LY75: variants seen among roughly 807,000 people sequenced by gnomAD.
LY75 encodes lymphocyte antigen 75.
In LY75, 185 loss-of-function variants were observed where a neutral mutation model predicts 231.7. The ratio of observed to expected loss-of-function variants is 0.80; its 90% CI spans 0.71 to 0.90. The LOEUF (loss-of-function observed/expected upper bound fraction) is 0.90, where lower values mean the gene tolerates loss of function less well. LY75 is among the 40% of genes least tolerant of loss of function. LY75 has a pLI of 0.00. For synonymous variants in LY75, 668 were observed against 689.0 expected (o/e 0.97, Z 0.48); for missense variants, 1,947 against 2,050.2 (o/e 0.95, Z 0.97).
At chr2:159,816,753 A>T in intron 30 of LY75, 53 bp downstream of exon 30, 1 of 1,599,150 alleles carries the variant, frequency 6.3e-7, no homozygotes, top group Non-Finnish European at 8.5e-7. Context: ...TCAAATTTCT[A>T]ACCCTCAAAA....
Position 159,819,848 on chromosome 2 carries a change from T to C in LY75, c.4031A>G (p.Lys1344Arg), listed in dbSNP as rs1400137763. ...THWRAGRPTIKNEKFLAGLST... is the reference protein window; with the variant it reads ...THWRAGRPTIRNEKFLAGLST... ...TAAACCAGCCAAAAACTTCTCATTT[T>C]TTATAGTTGGTCTTCCTGCTCTCCA... The change falls in exon 29 of 35, where the codon AAA becomes AGA. Residue 1344 changes from lysine to arginine, a missense_variant. Lys to Arg is a conservative substitution (Grantham distance 26, BLOSUM62 2). Transcript: ENST00000263636. 3 of 1,614,022 alleles carry C rather than the reference T, an allele frequency of 1.9e-6. No homozygotes were observed. Among genetic ancestry groups the C allele is most frequent in the Non-Finnish European group, 2.5e-6 (3 of 1,180,000 alleles).
Position 159,808,491 on chromosome 2 carries a change from T to C in LY75, c.4780A>G (p.Ile1594Val). 1.2e-6 allele frequency: 2 copies of C among 1,613,922 alleles called. No individual in the cohort carries two copies. The highest frequency in any genetic ancestry group is 8.5e-7 in the Non-Finnish European group (1 of 1,179,950). Residue 1594 changes from isoleucine (I) to valine (V), a missense_variant, in exon 33 of 35, where the codon ATT becomes GTT. By Grantham distance (29) the Ile-to-Val change is conservative. Coordinates refer to ENST00000263636, the MANE Select transcript of LY75 (RefSeq NM_002349.4). Reference sequence around the variant, plus strand: ...AATCCAAGCCAAACTCTCATGGTAATGTTATTATTTTCCCTCATCAGTCTG... The same window carrying C: ...AATCCAAGCCAAACTCTCATGGTAACGTTATTATTTTCCCTCATCAGTCTG... ...VSRLMRENNNITMRVWLGLSQ... is the reference protein window; with the variant it reads ...VSRLMRENNNVTMRVWLGLSQ...
intron 13 of LY75, among the ~76,000 whole-genome samples, chr2:159,867,809 A>G (rs1684900951): frequency 6.6e-6 from 1 of 152,196 alleles, no homozygotes; most frequent in Non-Finnish European, 1.5e-5. Flanking sequence ...TTTTTGCCCT[A>G]CAGTGGCTGT....
At chr2:159,868,270 A>T (rs1316233552) in intron 13 of LY75, among the ~76,000 whole-genome samples, 2 of 152,174 alleles carry the variant, frequency 1.3e-5, no homozygotes, top group Non-Finnish European at 2.9e-5. Context: ...AAGTGAAGGG[A>T]TTAAGGAGAT....
intron 15 of LY75, among the ~76,000 whole-genome samples, chr2:159,859,887 T>C (rs1017416796): frequency 1.2e-4 from 18 of 152,236 alleles, no homozygotes; most frequent in Non-Finnish European, 4.4e-5. Context: ...ATCATCATCA[T>C]CACCACCACC....
At chr2:159,842,805 C>T (rs1165263843) in intron 23 of LY75, among the ~76,000 whole-genome samples, 3 of 151,980 alleles carry the variant, frequency 2.0e-5, no homozygotes, top group African/African-American at 7.2e-5. Context: ...TATATTAAAA[C>T]AGAAGTATCT....
chr2:159,901,030 G>C (rs868423180), intron 1 of LY75, among the ~76,000 whole-genome samples: 1 of 151,970 alleles, frequency 6.6e-6, no homozygotes, highest in Non-Finnish European at 1.5e-5. Flanking sequence ...GTAGAGATGG[G>C]GTTTCACCAT....
At chr2:159,862,167 C>T (rs1014620846) in intron 14 of LY75, among the ~76,000 whole-genome samples, 1 of 151,972 alleles carries the variant, frequency 6.6e-6, no homozygotes, top group Non-Finnish European at 1.5e-5. Flanking sequence ...TGGCACATGC[C>T]TGAAGTCCCA....
rs761882139 is a variant in LY75, at chr2:159,840,724, C to T, written c.3507+5G>A. On this transcript the variant is annotated splice_donor_5th_base_variant and intron_variant, in intron 25 of 34. Transcript: ENST00000263636. ...CAGTCCTGGCAGTTGGGACTGAACA[C>T]TTACATCTTGACTGAAGAGTCCGAT... 2 of 1,613,980 alleles carry T rather than the reference C, an allele frequency of 1.2e-6. No homozygotes were observed. The highest frequency in any genetic ancestry group is 4.5e-5 in the East Asian group (2 of 44,878).
intron 3 of LY75, among the ~76,000 whole-genome samples, chr2:159,892,505 G>A (rs1231791032): frequency 6.6e-6 from 1 of 152,178 alleles, no homozygotes; most frequent in Non-Finnish European, 1.5e-5. Context: ...AGGACTGAAT[G>A]AGTTAATGTA....
intron 1 of LY75, chr2:159,902,751 G>A (rs181097770): frequency 3.3e-5 from 5 of 152,380 alleles, no homozygotes; most frequent in African/African-American, 7.2e-5. Flanking sequence ...CCATGGCAAT[G>A]TCCAGGGAGT....
Position 159,879,342 on chromosome 2 carries a change from C to T in LY75, c.1432G>A (p.Glu478Lys), listed in dbSNP as rs758347967. Residue 478 changes from glutamate to lysine, a missense_variant, in exon 9 of 35, where the codon GAG becomes AAG. Coordinates refer to ENST00000263636, the MANE Select transcript of LY75 (RefSeq NM_002349.4). ...TTGCATACATATTTTAGTTTCTCCT[C>T]ACATGATTGGACTTTCCACTGACCT... ...ELGQWKVQSC[E>K]EKLKYVCKRK... 6.2e-7 allele frequency: 1 copy of T among 1,613,610 alleles called. No individual in the cohort carries two copies. The highest frequency in any genetic ancestry group is 8.5e-7 in the Non-Finnish European group (1 of 1,179,856).
At position 159,885,182 on chromosome 2, in the gene LY75, T is replaced by G. The variant is rs922973161; in HGVS notation, c.1025A>C (p.Lys342Thr). The G allele has an allele frequency of 1.2e-6, 2 of 1,613,532 alleles. No homozygotes were observed. Among genetic ancestry groups the G allele is most frequent in the African/African-American group, 2.7e-5 (2 of 75,004 alleles). The change falls in exon 6 of 35, where the codon AAA becomes ACA. Residue 342 changes from lysine (K) to threonine (T), a missense_variant. Coordinates refer to ENST00000263636, the MANE Select transcript of LY75 (RefSeq NM_002349.4). ...TAACTCCACTGTATTATTTAATGGT[T>G]TCCTGCAGACATAGGGCAGTTGAGC... Reference protein sequence around the residue: ...CEAQLPYVCRKPLNNTVELTD... With the variant: ...CEAQLPYVCRTPLNNTVELTD...
chr2:159,860,977 A>G lies in LY75; in HGVS notation c.2200-88T>C, dbSNP rs965356242. 120 of 1,440,264 alleles carry G rather than the reference A, an allele frequency of 8.3e-5. 1 individual carries two copies. Among genetic ancestry groups the G allele is most frequent in the Non-Finnish European group, 1.1e-4 (117 of 1,033,470 alleles). The allele number at this position is 1,440,264 out of a possible 1,614,324, so 89.2% of individuals were successfully genotyped here. On this transcript the variant is annotated intron_variant, in intron 14 of 34. Coordinates refer to ENST00000263636, the MANE Select transcript of LY75 (RefSeq NM_002349.4). ...TAATTTAGGCAGCCTTAATCACTCA[A>G]GTGCGTTGATATGCCACAGAAAGAA...
chr2:159,814,709 GGAAAAGAAAA>G (rs1045128911), intron 31 of LY75, among the ~76,000 whole-genome samples: 2 of 149,650 alleles, frequency 1.3e-5, no homozygotes, highest in South Asian at 2.1e-4. Flanking sequence ...AGAAAAGAAA[GGAAAAGAAAA>G]GAAAAGAAAA....
chr2:159,845,613 A>G (rs1684177417), intron 23 of LY75, among the ~76,000 whole-genome samples: 1 of 152,050 alleles, frequency 6.6e-6, no homozygotes, highest in South Asian at 2.1e-4. Flanking sequence ...ATACAGTATA[A>G]CAACTATTTA....
intron 2 of LY75, among the ~76,000 whole-genome samples, chr2:159,894,490 T>G (rs1005033426): frequency 3.3e-4 from 50 of 152,256 alleles, no homozygotes; most frequent in African/African-American, 1.2e-3. Context: ...TACCTCTATT[T>G]TCTTTTCTTT....
chr2:159,853,814 T>C (rs1468996685), intron 18 of LY75, 117 bp from the exon 19 acceptor site: 2 of 1,377,552 alleles, frequency 1.5e-6, no homozygotes, highest in Non-Finnish European at 1.0e-6. Flanking sequence ...CATTCCTTAC[T>C]TAGATTTCAA....
intron 5 of LY75, 29 bp from the exon 6 acceptor site, chr2:159,885,322 A>G: frequency 1.2e-6 from 2 of 1,602,340 alleles, no homozygotes; most frequent in Non-Finnish European, 1.7e-6. Context: ...TCAAAGCATT[A>G]GAATGAGAAA....
Sources: allele counts gnomAD v4.1 joint callset (sites outside exome capture counted in the v4.1 genomes callset), GRCh38; gene constraint gnomAD v4.1.1; transcripts MANE v1.5; gene names NCBI Gene and HGNC (gene_info 2026-07-23, HGNC 2026-07-21).